ZNF19: variants seen among roughly 807,000 people sequenced by gnomAD.
The protein encoded by ZNF19 is zinc finger protein 19 (KOX 12).
In ZNF19, 11 loss-of-function variants were observed where a neutral mutation model predicts 13.1. The observed-to-expected ratio is 0.84, with a 90% CI of 0.53 to 1.39. The LOEUF is 1.39. Ranked by LOEUF, ZNF19 falls within the 40% of genes most tolerant of loss-of-function variation. The pLI is 0.00. For missense variants in ZNF19, 560 were observed against 547.0 expected, an observed-to-expected ratio of 1.02 and a Z score of -0.24; for synonymous variants, 186 against 187.0, an observed-to-expected ratio of 0.99 and a Z score of 0.04.
chr16:71,478,416 CAGTA>C, intron 4 of ZNF19, 75 bp from the exon 5 acceptor site: 1 of 1,073,916 alleles, frequency 9.3e-7, no homozygotes, highest in Non-Finnish European at 1.4e-6. Flanking sequence ...CCAGGAGTCT[CAGTA>C]AGAATAAGAC....
Position 71,473,954 on chromosome 16 carries a change from T to C in ZNF19, c.*1216A>G, listed in dbSNP as rs996925602. ...TTACTCAATTCCCCAAGTCTATCATTCATTGGTCAACCCAAGCACATGATA... is the reference window on the plus strand; with the variant it reads ...TTACTCAATTCCCCAAGTCTATCATCCATTGGTCAACCCAAGCACATGATA... On this transcript the variant is annotated 3_prime_UTR_variant, in exon 6 of 6. Coordinates refer to ENST00000288177, the MANE Select transcript of ZNF19 (RefSeq NM_006961.4). 7 of 152,264 alleles carry C rather than the reference T, an allele frequency of 4.6e-5. No individual in the cohort carries two copies. Among genetic ancestry groups the C allele is most frequent in the Non-Finnish European group, 2.9e-5 (2 of 68,046 alleles). The allele number at this position is 152,264 out of a possible 1,614,324, so 9.4% of individuals were successfully genotyped here.
At chr16:71,481,590 C>A (rs1386714450) in intron 3 of ZNF19, among the ~76,000 whole-genome samples, 1 of 152,192 alleles carries the variant, frequency 6.6e-6, no homozygotes, top group Admixed American at 6.5e-5. Context: ...ACTTCGCCAG[C>A]AGTACTGACC....
rs2043703761 is a variant in ZNF19, at chr16:71,489,256, C to G, written c.-190+16G>C. Reference sequence around the variant, plus strand: ...ACCCAAGCTCCGCCCAACTGTGGGTCCTTGCACTTTGGCACCTTTGAGCGC... The same window carrying G: ...ACCCAAGCTCCGCCCAACTGTGGGTGCTTGCACTTTGGCACCTTTGAGCGC... On this transcript the variant is annotated intron_variant, in intron 1 of 5. Coordinates refer to ENST00000288177, the MANE Select transcript of ZNF19 (RefSeq NM_006961.4). 5 of 985,636 alleles carry G rather than the reference C, an allele frequency of 5.1e-6. No individual in the cohort carries two copies. The highest frequency in any genetic ancestry group is 6.0e-6 in the Non-Finnish European group (5 of 830,070). 61.1% of individuals were successfully genotyped at this position (985,636 alleles called of 1,614,324 possible).
At chr16:71,479,914 T>C (rs1367439062) in intron 3 of ZNF19, among the ~76,000 whole-genome samples, 2 of 152,090 alleles carry the variant, frequency 1.3e-5, no homozygotes, top group African/African-American at 4.8e-5. Context: ...CGCCTCAGAC[T>C]CTTGAGTAGC....
intron 4 of ZNF19, 71 bp downstream of exon 4, chr16:71,478,808 C>A: frequency 6.3e-7 from 1 of 1,575,252 alleles, no homozygotes; most frequent in Non-Finnish European, 8.6e-7. Context: ...ACACTCCTCC[C>A]CCCAGGCTGT....
At chr16:71,481,326 G>A (rs2043635860) in intron 3 of ZNF19, among the ~76,000 whole-genome samples, 1 of 152,154 alleles carries the variant, frequency 6.6e-6, no homozygotes, top group South Asian at 2.1e-4. Context: ...CTAAGTTACT[G>A]GATAAATAAG....
rs934446170 is a variant in ZNF19 at position 71,474,938 on chromosome 16, GTTC to G, written c.*229_*231del. ...TCATTCTCACCTCTGTAAGAGTCTAGTTCTTCTTCTCAGCATTAAAACCAATGG... is the reference window on the plus strand; with the variant it reads ...TCATTCTCACCTCTGTAAGAGTCTAGTTCTTCTCAGCATTAAAACCAATGG... On this transcript the variant is annotated 3_prime_UTR_variant, in exon 6 of 6. Transcript: ENST00000288177. 3.2e-5 allele frequency: 17 copies of G among 535,472 alleles called. No homozygotes were observed. Among genetic ancestry groups the G allele is most frequent in the African/African-American group, 1.7e-4 (9 of 51,946 alleles). 33.2% of individuals were successfully genotyped at this position (535,472 alleles called of 1,614,324 possible).
Position 71,475,082 on chromosome 16 carries a change from G to A in ZNF19, c.*88C>T. 7.1e-7 allele frequency: 1 copy of A among 1,414,158 alleles called. No individual in the cohort carries two copies. The highest frequency in any genetic ancestry group is 9.4e-7 in the Non-Finnish European group (1 of 1,060,192). The allele number at this position is 1,414,158 out of a possible 1,614,324, so 87.6% of individuals were successfully genotyped here. ...ATCATTAACTGTGGCTTGAGGGATG[G>A]ATCAGAGGCTGAGTCAGGCCTGTGT... is the stretch of plus-strand genomic sequence containing the variant. On this transcript the variant is annotated 3_prime_UTR_variant, in exon 6 of 6. Transcript: ENST00000288177.
intron 1 of ZNF19, among the ~76,000 whole-genome samples, chr16:71,485,643 T>C (rs190271225): frequency 8.8e-4 from 133 of 151,538 alleles, no homozygotes; most frequent in African/African-American, 2.8e-3. Flanking sequence ...GAAGGTGCCA[T>C]TAGCTGAGAT....
intron 1 of ZNF19, among the ~76,000 whole-genome samples, chr16:71,486,745 A>C (rs541288063): frequency 4.6e-5 from 7 of 152,328 alleles, no homozygotes; most frequent in African/African-American, 1.7e-4. Flanking sequence ...TCTTCCCCCA[A>C]TTCTAGACAA....
At chr16:71,480,593 A>G (rs1448184426) in intron 3 of ZNF19, among the ~76,000 whole-genome samples, 2 of 152,210 alleles carry the variant, frequency 1.3e-5, no homozygotes, top group African/African-American at 4.8e-5. Flanking sequence ...CTGTGGTACA[A>G]TCAGTAAACT....
Position 71,475,613 on chromosome 16 carries a change from T to C in ZNF19, c.934A>G (p.Arg312Gly), listed in dbSNP as rs760688769. Reference protein sequence around the residue: ...ECNECGKSFGRTSHLSQHQRI... With the variant: ...ECNECGKSFGGTSHLSQHQRI... Reference sequence around the variant, plus strand: ...TGATGTTGGCTTAGATGGGAAGTCCTTCCAAAGCTTTTGCCACACTCATTA... The same window carrying C: ...TGATGTTGGCTTAGATGGGAAGTCCCTCCAAAGCTTTTGCCACACTCATTA... The change falls in exon 6 of 6, where the codon AGG (arginine) becomes GGG (glycine). Residue 312 changes from arginine (R) to glycine (G), a missense_variant. Transcript: ENST00000288177. 6.2e-7 allele frequency: 1 copy of C among 1,614,182 alleles called. No homozygotes were observed. Among genetic ancestry groups the C allele is most frequent in the Non-Finnish European group, 8.5e-7 (1 of 1,180,028 alleles).
chr16:71,478,734 A>G (rs2043617970), intron 4 of ZNF19, 145 bp downstream of exon 4: 4 of 1,203,334 alleles, frequency 3.3e-6, no homozygotes, highest in Non-Finnish European at 4.7e-6. Flanking sequence ...GAAGTTGGTC[A>G]CTGAGCCTCA....
At chr16:71,481,142 A>G (rs1455909930) in intron 3 of ZNF19, among the ~76,000 whole-genome samples, 2 of 152,224 alleles carry the variant, frequency 1.3e-5, no homozygotes, top group Admixed American at 6.5e-5. Context: ...TTACACAGCA[A>G]TTTAGAAACT....
chr16:71,488,928 G>A (rs554692679), intron 1 of ZNF19: 1 of 152,446 alleles, frequency 6.6e-6, no homozygotes, highest in African/African-American at 2.4e-5. Flanking sequence ...CTTGGTTAAA[G>A]ACTTAAGCCG....
rs33957419 is a variant in ZNF19 at position 71,486,181 on chromosome 16, G to GA, written c.-189-1434dup. ...AACATGACAAAACCCTGTCTCTACCGAAAAAAAAAAAAAAAAAATTCCAAA... is the reference window on the plus strand; with the variant it reads ...AACATGACAAAACCCTGTCTCTACCGAAAAAAAAAAAAAAAAAAATTCCAAA... On this transcript the variant is annotated intron_variant, in intron 1 of 5. Coordinates refer to ENST00000288177, the MANE Select transcript of ZNF19 (RefSeq NM_006961.4). Among the ~76,000 whole-genome samples the GA allele has an allele frequency of 2.3e-3, 295 of 130,860 alleles. 1 individual carries two copies. Among genetic ancestry groups the GA allele is most frequent in the Middle Eastern group, 3.8e-3 (1 of 260 alleles). The allele number at this position is 130,860 out of a possible 152,430, so 85.8% of individuals were successfully genotyped here. A position where few individuals can be genotyped will look rare whatever the true frequency, so the allele number is the denominator to read the frequency against.
At chr16:71,484,308 G>A (rs2043659086) in intron 2 of ZNF19, among the ~76,000 whole-genome samples, 1 of 152,246 alleles carries the variant, frequency 6.6e-6, no homozygotes, top group South Asian at 2.1e-4. Flanking sequence ...GTGGCCCAAT[G>A]AGCAGATGGG....
In ZNF19 at chr16:71,479,778, C is replaced by T. The variant is rs145018512; in HGVS notation, c.34-773G>A. Among the ~76,000 whole-genome samples the T allele has an allele frequency of 2.9e-3, 436 of 151,680 alleles. 1 individual carries two copies. The highest frequency in any genetic ancestry group is 9.8e-3 in the African/African-American group (407 of 41,362). ...TGGGTTTTTTTTTCTTTCTTTCTTT[C>T]GGTTTTGGTTCTTTTTCTCTTTTTT... On this transcript the variant is annotated intron_variant, in intron 3 of 5. Transcript: ENST00000288177.
Position 71,478,947 on chromosome 16 carries a change from AG to A in ZNF19, c.91del (p.Leu31PhefsTer12). The part of the protein sequence containing the change: ...VHFTKTEWTG[L>X]SPAQRALYRS... The stretch of plus-strand genomic sequence containing the variant: ...GTACAGGGCCCTCTGGGCAGGAGAA[AG>A]GCCAGTCCATTCTGTCTTGGTGAAG... On this transcript the variant is annotated frameshift_variant, in exon 4 of 6. Transcript: ENST00000288177. LOFTEE classifies it high-confidence loss of function. The A allele has an allele frequency of 6.2e-7, 1 of 1,614,218 alleles. No individual in the cohort carries two copies.
Sources: allele counts gnomAD v4.1 joint callset (sites outside exome capture counted in the v4.1 genomes callset), GRCh38; gene constraint gnomAD v4.1.1; transcripts MANE v1.5; gene names NCBI Gene and HGNC (gene_info 2026-07-23, HGNC 2026-07-21).